Variants in MAP2K3 observed in about 807,000 individuals in gnomAD.
MAP2K3 encodes mitogen-activated protein kinase kinase 3.
MAP2K3 carries 30 observed loss-of-function variants against 46.4 expected under a neutral mutation model. The observed-to-expected ratio is 0.65, with a 90% CI of 0.48 to 0.88. The LOEUF (loss-of-function observed/expected upper bound fraction) is 0.88. Among genes scored for constraint, MAP2K3 ranks in the 40% least tolerant of loss-of-function variants. MAP2K3 has a pLI of 0.00. For synonymous variants in MAP2K3, 189 were observed against 176.3 expected, an observed-to-expected ratio of 1.07 and a Z score of -0.57; for missense variants, 380 against 464.5, an observed-to-expected ratio of 0.82 and a Z score of 1.67.
At chr17:21,303,085 A>T (rs1976695794) in intron 6 of MAP2K3, 98 bp from the exon 7 acceptor site, 2 of 1,502,406 alleles carry the variant, frequency 1.3e-6, no homozygotes, top group Non-Finnish European at 1.8e-6. Context: ...GGAGCGGGAG[A>T]CAGGTGGACA....
intron 1 of MAP2K3, among the ~76,000 whole-genome samples, chr17:21,290,020 C>T (rs937666653): frequency 6.6e-6 from 1 of 152,212 alleles, no homozygotes; most frequent in Non-Finnish European, 1.5e-5. Flanking sequence ...GCGGCTATAT[C>T]GAGTGCCCTG....
chr17:21,313,959 G>A, intron 11 of MAP2K3, 188 bp from the exon 12 acceptor site: 1 of 631,356 alleles, frequency 1.6e-6, no homozygotes, highest in Non-Finnish European at 2.8e-6. Flanking sequence ...GACCACAAGA[G>A]AGCTGAGGAG....
intron 7 of MAP2K3, among the ~76,000 whole-genome samples, chr17:21,303,908 T>C (rs1472831472): frequency 1.3e-5 from 2 of 152,312 alleles, no homozygotes; most frequent in Admixed American, 6.5e-5. Context: ...TGCATTTCCA[T>C]CTTTACACAC....
intron 6 of MAP2K3, 123 bp from the exon 7 acceptor site, chr17:21,303,060 G>A (rs72838545): frequency 1.5e-4 from 185 of 1,271,760 alleles, no homozygotes; most frequent in Admixed American, 4.8e-4. Flanking sequence ...GAGAGGGTGC[G>A]TAGCCTGTGC....
At chr17:21,297,736 G>A (rs1490285866) in intron 1 of MAP2K3, among the ~76,000 whole-genome samples, 61 of 10,224 alleles carry the variant, frequency 6.0e-3, no homozygotes, top group African/African-American at 0.019. Flanking sequence ...GGGGCCTCTC[G>A]CCTGTCCCTA....
intron 6 of MAP2K3, among the ~76,000 whole-genome samples, chr17:21,302,968 A>G (rs956355159): frequency 1.3e-5 from 2 of 152,308 alleles, no homozygotes; most frequent in African/African-American, 4.8e-5. Context: ...GGAGGATGAG[A>G]GGAGGCAGGA....
At chr17:21,311,439 C>T (rs971486430) in intron 9 of MAP2K3, among the ~76,000 whole-genome samples, 4 of 152,078 alleles carry the variant, frequency 2.6e-5, no homozygotes, top group African/African-American at 4.8e-5. Flanking sequence ...CCCACCGGCC[C>T]GATGTCACCC....
intron 8 of MAP2K3, 117 bp downstream of exon 8, chr17:21,304,670 G>C (rs76436552): frequency 6.6e-7 from 1 of 1,507,388 alleles, no homozygotes; most frequent in Non-Finnish European, 8.9e-7. Flanking sequence ...CCCACACTGC[G>C]TTTCCTGCTG....
intron 3 of MAP2K3, among the ~76,000 whole-genome samples, chr17:21,300,254 C>T (rs554432721): frequency 9.2e-3 from 1,398 of 151,720 alleles, no homozygotes; most frequent in African/African-American, 0.031. Flanking sequence ...AAAAGAGGGA[C>T]AGGGCACCTC....
intron 1 of MAP2K3, among the ~76,000 whole-genome samples, chr17:21,297,064 T>C (rs1385977761): frequency 6.6e-6 from 1 of 152,308 alleles, no homozygotes; most frequent in Admixed American, 6.5e-5. Flanking sequence ...GGATGGACCC[T>C]GGGACCCCTG....
chr17:21,306,986 A>C (rs1329055642), intron 9 of MAP2K3, among the ~76,000 whole-genome samples: 1 of 152,296 alleles, frequency 6.6e-6, no homozygotes, highest in Non-Finnish European at 1.5e-5. Context: ...GGGTCTCACT[A>C]TGTTGCCCAG....
chr17:21,285,659 T>C (rs1224254838), intron 1 of MAP2K3, among the ~76,000 whole-genome samples: 1 of 151,788 alleles, frequency 6.6e-6, no homozygotes, highest in African/African-American at 2.4e-5. Flanking sequence ...TACAGCCCCC[T>C]CTCTACCGGC....
At position 21,295,586 on chromosome 17, in the gene MAP2K3, A is replaced by G. The variant is rs973766676; in HGVS notation, c.50-2827A>G. ...TGAGGCCTGTTTCTAGGCTGTCTCC[A>G]TGACGGCCTCACCCACTCCCTCTGA... On this transcript the variant is annotated intron_variant, in intron 1 of 11. Coordinates refer to ENST00000342679, the MANE Select transcript of MAP2K3 (RefSeq NM_145109.3). 20 of 1,276,188 alleles carry G rather than the reference A, an allele frequency of 1.6e-5. No homozygotes were observed. The East Asian group carries it at 1.1e-3, about 72-fold the overall frequency. The allele number at this position is 1,276,188 out of a possible 1,614,324, so 79.1% of individuals were successfully genotyped here.
Position 21,284,896 on chromosome 17 carries a change from C to T in MAP2K3, c.-25C>T. On this transcript the variant is annotated 5_prime_UTR_variant, in exon 1 of 12. Coordinates refer to ENST00000342679, the MANE Select transcript of MAP2K3 (RefSeq NM_145109.3). ...CCGCAGTCCTCTAGATTAGTCTCCACCGCCGTCCAGGACCCACTTGCAGCA... is the reference window on the plus strand; with the variant it reads ...CCGCAGTCCTCTAGATTAGTCTCCATCGCCGTCCAGGACCCACTTGCAGCA... 2 of 1,611,636 alleles carry T rather than the reference C, an allele frequency of 1.2e-6. No individual in the cohort carries two copies. The highest frequency in any genetic ancestry group is 1.7e-6 in the Non-Finnish European group (2 of 1,179,390).
chr17:21,303,375 T>TCCACCTGCAGCCCTGCAGCTGCCTC (rs1976714743), intron 7 of MAP2K3, 141 bp downstream of exon 7: 15 of 1,219,760 alleles, frequency 1.2e-5, no homozygotes, highest in African/African-American at 4.5e-5. Context: ...CCAGCCGCTT[T>TCCACCTGCAGCCCTGCAGCTGCCTC]CCACCTGCAG....
At chr17:21,307,604 G>A (rs1232123529) in intron 9 of MAP2K3, among the ~76,000 whole-genome samples, 40 of 151,632 alleles carry the variant, frequency 2.6e-4, no homozygotes, top group Admixed American at 5.9e-4. Flanking sequence ...GAGAGTTGAC[G>A]CAGGTGTTGT....
chr17:21,291,687 C>T (rs1975948916), intron 1 of MAP2K3: 1 of 425,870 alleles, frequency 2.3e-6, no homozygotes, highest in Non-Finnish European at 4.7e-6. Context: ...ACCGATCTGA[C>T]CCCTTTTGTG....
Position 21,304,313 on chromosome 17 carries a change from A to T in MAP2K3, c.569-113A>T, listed in dbSNP as rs1343017062. The stretch of plus-strand genomic sequence containing the variant: ...TGCAACCTGCCCACTGGGGCATGGG[A>T]GGGGGCACAGGAGGGGTCTTGGGCG... On this transcript the variant is annotated intron_variant, in intron 7 of 11. Transcript: ENST00000342679. 2.5e-6 allele frequency: 4 copies of T among 1,571,192 alleles called. No individual in the cohort carries two copies. In the African/African-American group the frequency reaches 5.4e-5, roughly 21 times the overall value.
chr17:21,291,601 C>T (rs763644410), intron 1 of MAP2K3: 32 of 456,470 alleles, frequency 7.0e-5, no homozygotes, highest in Admixed American at 4.5e-4. Flanking sequence ...TTGTGGGTCC[C>T]CCTGCCCTGT....
Sources: gnomAD v4.1 joint callset for allele counts (sites outside exome capture counted in the v4.1 genomes callset) on GRCh38, gnomAD v4.1.1 for gene constraint, MANE v1.5 for transcripts, NCBI Gene and HGNC (gene_info 2026-07-23, HGNC 2026-07-21) for gene names.